HECTD4: variants seen among roughly 807,000 people sequenced by gnomAD.
HECTD4 encodes probable E3 ubiquitin-protein ligase HECTD4.
A neutral mutation model predicts 471.5 loss-of-function variants in HECTD4; 114 were observed. The observed-to-expected ratio is 0.24, with a 90% confidence interval of 0.21 to 0.28. HECTD4 has a LOEUF of 0.28. Among genes scored for constraint, HECTD4 ranks in the 10% least tolerant of loss-of-function variants. The pLI is 1.00. For missense variants in HECTD4, 3,866 were observed against 5,651.5 expected (o/e 0.68, Z 10.13); for synonymous variants, 2,012 against 2,256.0 (o/e 0.89, Z 3.07).
rs1213232845 is a variant in HECTD4 at position 112,230,901 on chromosome 12, C to T, written c.6201-79G>A. 2.2e-6 allele frequency: 3 copies of T among 1,343,584 alleles called. No individual in the cohort carries two copies. In the East Asian group the frequency reaches 7.6e-5, roughly 34 times the overall value. 83.2% of individuals were successfully genotyped at this position (1,343,584 alleles called of 1,614,324 possible). A position where few individuals can be genotyped will look rare whatever the true frequency, so the allele number is the denominator to read the frequency against. ...GGGAAGTGGCTTTCAGGGTTAGCAT[C>T]AGAGGAAAACCTTTTCTTTTTATAC... On this transcript the variant is annotated intron_variant, in intron 39 of 75. Transcript: ENST00000682272.
chr12:112,219,588 A>T (rs2033031871), intron 44 of HECTD4, 99 bp from the exon 45 acceptor site: 2 of 751,744 alleles, frequency 2.7e-6, no homozygotes, highest in Admixed American at 5.9e-5. Context: ...AAATGCACTT[A>T]TAGAGCTCAT....
At chr12:112,197,204 G>A (rs898565059) in intron 55 of HECTD4, among the ~76,000 whole-genome samples, 4 of 152,134 alleles carry the variant, frequency 2.6e-5, no homozygotes, top group African/African-American at 4.8e-5. Flanking sequence ...GAGCCACTGC[G>A]CCTGGCTATG....
chr12:112,165,068 C>A (rs1378207801), intron 72 of HECTD4, among the ~76,000 whole-genome samples: 1 of 151,664 alleles, frequency 6.6e-6, no homozygotes, highest in East Asian at 1.9e-4. Context: ...TTACAGGCAC[C>A]CGCCACCATG....
chr12:112,348,099 T>C (rs546490722), intron 1 of HECTD4, among the ~76,000 whole-genome samples: 7 of 152,296 alleles, frequency 4.6e-5, no homozygotes, highest in Admixed American at 6.5e-5. Context: ...AGCATTCTAA[T>C]TGCAGGTGGA....
chr12:112,229,997 T>C, intron 40 of HECTD4, 117 bp from the exon 41 acceptor site: 1 of 903,864 alleles, frequency 1.1e-6, no homozygotes, highest in South Asian at 1.9e-5. Flanking sequence ...ACTCTGGACA[T>C]GTGAGGGACC....
intron 11 of HECTD4, among the ~76,000 whole-genome samples, 159 bp downstream of exon 11, chr12:112,273,496 T>C (rs1833236193): frequency 6.6e-6 from 1 of 152,204 alleles, no homozygotes; most frequent in African/African-American, 2.4e-5. Flanking sequence ...TCATCTTTCA[T>C]GGTTACAGAT....
At chr12:112,357,377 T>C (rs1444637847) in intron 1 of HECTD4, among the ~76,000 whole-genome samples, 1 of 152,032 alleles carries the variant, frequency 6.6e-6, no homozygotes, top group Middle Eastern at 3.2e-3. Flanking sequence ...AAAACGCCAA[T>C]AGGCTGAACA....
rs58396709 is a variant in HECTD4, at chr12:112,200,155, ATT to A, written c.8567+481_8567+482del. Among the ~76,000 whole-genome samples, 7,974 of 135,614 alleles carry A rather than the reference ATT, an allele frequency of 0.059. 1,154 individuals are homozygous for A. In the East Asian group the frequency reaches 0.6, roughly 10 times the overall value. 89.0% of individuals were successfully genotyped at this position (135,614 alleles called of 152,430 possible). The stretch of plus-strand genomic sequence containing the variant: ...TAAGTCAGATGATTCTAGATCCCCC[ATT>A]TTTTTTTTTTTTTTGAGACGGAGTC... On this transcript the variant is annotated intron_variant, in intron 55 of 75. Transcript: ENST00000682272.
intron 70 of HECTD4, among the ~76,000 whole-genome samples, chr12:112,168,981 C>T (rs1219456531): frequency 1.3e-5 from 2 of 152,192 alleles, no homozygotes; most frequent in Admixed American, 1.3e-4. Flanking sequence ...GTGGGGGCTC[C>T]CTCCTGCCCG....
intron 45 of HECTD4, among the ~76,000 whole-genome samples, chr12:112,219,014 G>A (rs763172054): frequency 1.3e-5 from 2 of 151,982 alleles, no homozygotes; most frequent in African/African-American, 2.4e-5. Context: ...GATTACAGGC[G>A]TGAGCCACCA....
Position 112,382,310 on chromosome 12 carries a change from C to T in HECTD4, c.-182G>A. Reference sequence around the variant, plus strand: ...GAGTCGCCATACCCCCGACCCCGGCCCGGGAGACCCCGGCCCTGCCGCCGC... The same window carrying T: ...GAGTCGCCATACCCCCGACCCCGGCTCGGGAGACCCCGGCCCTGCCGCCGC... On this transcript the variant is annotated 5_prime_UTR_variant, in exon 1 of 76. Transcript: ENST00000682272. 1 of 466,192 alleles carries T rather than the reference C, an allele frequency of 2.1e-6. No homozygotes were observed. The highest frequency in any genetic ancestry group is 3.3e-6 in the Non-Finnish European group (1 of 302,824). 28.9% of individuals were successfully genotyped at this position (466,192 alleles called of 1,614,324 possible).
intron 9 of HECTD4, among the ~76,000 whole-genome samples, 173 bp from the exon 10 acceptor site, chr12:112,275,133 A>C (rs2034499863): frequency 6.6e-6 from 1 of 152,208 alleles, no homozygotes; most frequent in Non-Finnish European, 1.5e-5. Context: ...ACAGAAAGAA[A>C]ACTGTCACCA....
Position 112,233,049 on chromosome 12 carries a change from G to T in HECTD4, c.5952C>A (p.Gly1984=). The T allele has an allele frequency of 6.2e-7, 1 of 1,611,906 alleles. No individual in the cohort carries two copies. Among genetic ancestry groups the T allele is most frequent in the African/African-American group, 1.3e-5 (1 of 74,944 alleles). ...SEGRPFRLGT[G]ANMEKVVKMD... The stretch of plus-strand genomic sequence containing the variant: ...TCTTCACAACTTTCTCCATGTTGGC[G>T]CCAGTACCAAGTCGGAAGGGCCGTC... The change falls in exon 38 of 76, where the codon GGC becomes GGA. Residue 1984 remains glycine, a synonymous_variant. Coordinates refer to ENST00000682272, the MANE Select transcript of HECTD4 (RefSeq NM_001388303.1).
Position 112,194,857 on chromosome 12 carries a change from G to C in HECTD4, c.8749+28C>G. On this transcript the variant is annotated intron_variant, in intron 56 of 75. Transcript: ENST00000682272. This position sits in a 1 kb window ranked among gnomAD's most constrained non-coding sequence, Gnocchi z 4.6. ...AGCGCCCGCCTGGTGCTAAGTTCCA[G>C]AGTGACAGCAGCAAAGCCAAGTTTT... 3 of 1,589,156 alleles carry C rather than the reference G, an allele frequency of 1.9e-6. No homozygotes were observed. Among genetic ancestry groups the C allele is most frequent in the African/African-American group, 2.7e-5 (2 of 74,560 alleles).
rs567788581 is a variant in HECTD4, at chr12:112,351,095, T to TAA, written c.177+30855_177+30856dup. Among the ~76,000 whole-genome samples the TAA allele has an allele frequency of 1.8e-4, 27 of 152,284 alleles. No individual in the cohort carries two copies. The East Asian group carries it at 4.4e-3, about 25-fold the overall frequency. ...CAGAGGAAGACATGTTTGGTTTGGG[T>TAA]AAGGGTTTATTTCCCATGTCTTGCA... On this transcript the variant is annotated intron_variant, in intron 1 of 75. Transcript: ENST00000682272.
Position 112,227,672 on chromosome 12 carries a change from CTT to C in HECTD4, c.6854+415_6854+416del, listed in dbSNP as rs946105480. Among the ~76,000 whole-genome samples, 39 of 151,984 alleles carry C rather than the reference CTT, an allele frequency of 2.6e-4. No individual in the cohort carries two copies. The South Asian group carries it at 2.7e-3, about 11-fold the overall frequency. ...TATTTATTTGAGATGGAGTTTCGCT[CTT>C]GTTGCCCAGGCTGGAGTGTAGTGGC... On this transcript the variant is annotated intron_variant, in intron 43 of 75. Transcript: ENST00000682272.
intron 49 of HECTD4, 116 bp from the exon 50 acceptor site, chr12:112,210,368 C>T (rs1430101894): frequency 1.8e-6 from 2 of 1,084,278 alleles, no homozygotes; most frequent in East Asian, 4.9e-5. Context: ...GAGGTGTGTG[C>T]TGGCATGAGA....
At chr12:112,374,893 T>C (rs2036749052) in intron 1 of HECTD4, among the ~76,000 whole-genome samples, 1 of 152,212 alleles carries the variant, frequency 6.6e-6, no homozygotes, top group South Asian at 2.1e-4. Context: ...TTTGCATCTA[T>C]TAGGTTCCAT....
chr12:112,267,938 A>T (rs1483316127), intron 13 of HECTD4, among the ~76,000 whole-genome samples: 1 of 152,116 alleles, frequency 6.6e-6, no homozygotes, highest in Non-Finnish European at 1.5e-5. Flanking sequence ...CTCCCACCTC[A>T]GTCTCCCAAA....
Sources: allele counts gnomAD v4.1 joint callset (sites outside exome capture counted in the v4.1 genomes callset), GRCh38; gene constraint gnomAD v4.1.1; non-coding constraint Gnocchi (gnomAD v3.1); transcripts MANE v1.5; gene names NCBI Gene and HGNC (gene_info 2026-07-23, HGNC 2026-07-21).